Variants in NEDD9 observed in about 807,000 individuals in gnomAD.
NEDD9 encodes neural precursor cell expressed, developmentally down-regulated 9.
A neutral mutation model predicts 76.6 loss-of-function variants in NEDD9; 26 were observed. The observed-to-expected ratio is 0.34, with a 90% CI of 0.25 to 0.47. The LOEUF (loss-of-function observed/expected upper bound fraction) is 0.47. Ranked by LOEUF, NEDD9 falls within the 20% of genes least tolerant of loss-of-function variation. NEDD9 has a pLI of 1.00. For missense variants in NEDD9, 937 were observed against 1,058.5 expected, an observed-to-expected ratio of 0.89 and a Z score of 1.59; for synonymous variants, 392 against 414.2, an observed-to-expected ratio of 0.95 and a Z score of 0.65.
At chr6:11,210,618 T>C (rs1758757214) in intron 2 of NEDD9, among the ~76,000 whole-genome samples, 2 of 152,140 alleles carry the variant, frequency 1.3e-5, no homozygotes, top group South Asian at 4.2e-4. Flanking sequence ...GAATATCCTA[T>C]ACCCAGGAAG....
At chr6:11,189,820 ACT>A in intron 5 of NEDD9, 142 bp downstream of exon 5, 1 of 1,057,482 alleles carries the variant, frequency 9.5e-7, no homozygotes, top group Non-Finnish European at 1.3e-6. Flanking sequence ...ACTCTACGAC[ACT>A]CCCTCCAATT....
intron 1 of NEDD9, among the ~76,000 whole-genome samples, chr6:11,362,843 C>T (rs1762701731): frequency 6.6e-6 from 1 of 152,118 alleles, no homozygotes; most frequent in South Asian, 2.1e-4. Context: ...TCTATGGGGA[C>T]AGAAATGACT....
intron 3 of NEDD9, among the ~76,000 whole-genome samples, chr6:11,253,046 A>C (rs1408754351): frequency 6.6e-6 from 1 of 152,208 alleles, no homozygotes; most frequent in Admixed American, 6.5e-5. Context: ...AATATGTCTT[A>C]ATGATCTAGG....
At chr6:11,223,180 A>T (rs190950970) in intron 1 of NEDD9, among the ~76,000 whole-genome samples, 1 of 152,366 alleles carries the variant, frequency 6.6e-6, no homozygotes, top group African/African-American at 2.4e-5. Flanking sequence ...CCCTGGATAG[A>T]GGAATGGACA....
At chr6:11,318,597 C>A (rs1198431184) in intron 2 of NEDD9, among the ~76,000 whole-genome samples, 2 of 152,142 alleles carry the variant, frequency 1.3e-5, no homozygotes, top group African/African-American at 2.4e-5. Context: ...GGGGCTGTTG[C>A]TAGCATAAGG....
intron 3 of NEDD9, among the ~76,000 whole-genome samples, chr6:11,244,549 A>G (rs1759772253): frequency 1.3e-5 from 2 of 152,176 alleles, no homozygotes; most frequent in African/African-American, 4.8e-5. Flanking sequence ...ATTCATCCAC[A>G]AAGGGAGAGT....
chr6:11,193,292 CA>C (rs1359154674), intron 3 of NEDD9, among the ~76,000 whole-genome samples: 1 of 138,986 alleles, frequency 7.2e-6, no homozygotes, highest in Non-Finnish European at 1.6e-5. Flanking sequence ...GCCTGGGCAA[CA>C]AAGTGAGATT....
At chr6:11,366,103 G>A (rs1284824416) in intron 1 of NEDD9, among the ~76,000 whole-genome samples, 1 of 152,144 alleles carries the variant, frequency 6.6e-6, no homozygotes, top group Non-Finnish European at 1.5e-5. Context: ...GACCAACAAG[G>A]TGAAACCCAG....
intron 3 of NEDD9, among the ~76,000 whole-genome samples, chr6:11,266,006 T>A (rs1760193849): frequency 7.1e-6 from 1 of 140,338 alleles, no homozygotes. Flanking sequence ...ACATAGAGAG[T>A]AGAATGATTG....
chr6:11,241,600 T>C lies in NEDD9; in HGVS notation c.13-27873A>G, dbSNP rs957428784. ...TTCCACACCAGCCATCCAGCATAGC[T>C]CCGGGGGCGGAGGTAGGGACAGTAC... On this transcript the variant is annotated intron_variant, in intron 3 of 3. Transcript: ENST00000397378. This position sits in a 1 kb window ranked among gnomAD's most constrained non-coding sequence, Gnocchi z 4.0. Among the ~76,000 whole-genome samples, 4 of 152,060 alleles carry C rather than the reference T, an allele frequency of 2.6e-5. No individual in the cohort carries two copies. In the South Asian group the frequency reaches 6.2e-4, roughly 24 times the overall value.
rs566849847 is a variant in NEDD9, at chr6:11,327,190, CT to C, written c.-153+7310del. Among the ~76,000 whole-genome samples, 173 of 152,322 alleles carry C rather than the reference CT, an allele frequency of 1.1e-3. 1 individual carries two copies. Among genetic ancestry groups the C allele is most frequent in the African/African-American group, 3.9e-3 (163 of 41,566 alleles). ...GTCACTTAACATCTCTGGGCCTCAACTTTTGAAGAAAGAGACAATCGGACTA... is the reference window on the plus strand; with the variant it reads ...GTCACTTAACATCTCTGGGCCTCAACTTTGAAGAAAGAGACAATCGGACTA... On this transcript the variant is annotated intron_variant, in intron 2 of 3. Transcript: ENST00000397378.
chr6:11,378,179 G>T (rs928114088), intron 1 of NEDD9, among the ~76,000 whole-genome samples: 1 of 152,202 alleles, frequency 6.6e-6, no homozygotes, highest in Non-Finnish European at 1.5e-5. Flanking sequence ...GGAAGTGGAG[G>T]TTGCGGCAAG....
intron 3 of NEDD9, among the ~76,000 whole-genome samples, chr6:11,295,891 C>G (rs2142742): frequency 6.6e-6 from 1 of 152,052 alleles, no homozygotes; most frequent in Non-Finnish European, 1.5e-5. Flanking sequence ...ATTACACCCA[C>G]GTTAGGTGTG....
At chr6:11,267,832 G>T (rs1372452450) in intron 3 of NEDD9, among the ~76,000 whole-genome samples, 1 of 151,972 alleles carries the variant, frequency 6.6e-6, no homozygotes, top group Non-Finnish European at 1.5e-5. Context: ...TATATCTAAG[G>T]CTTATAATAG....
At chr6:11,201,029 C>T in intron 2 of NEDD9, 2 of 1,614,222 alleles carry the variant, frequency 1.2e-6, no homozygotes, top group Non-Finnish European at 8.5e-7. Flanking sequence ...AGGACACTTG[C>T]CCATCTCTCT....
In NEDD9 at chr6:11,193,850, C is replaced by T. The variant is rs189527263; in HGVS notation, c.460-158G>A. 1.3e-4 allele frequency among the ~76,000 whole-genome samples: 19 copies of T among 151,820 alleles called. No individual in the cohort carries two copies. In the South Asian group the frequency reaches 2.1e-3, roughly 17 times the overall value. ...ACAGGAAGGAGACAAGTAGACACCA[C>T]GTTAGTAAACTTTTTTTTTTTTTTT... On this transcript the variant is annotated intron_variant, in intron 2 of 6. Transcript: ENST00000379446.
chr6:11,212,259 G>A (rs1298740403), intron 2 of NEDD9, among the ~76,000 whole-genome samples: 4 of 152,190 alleles, frequency 2.6e-5, no homozygotes, highest in African/African-American at 9.7e-5. Context: ...ACCAAACCTT[G>A]TAGGACCCAT....
intron 1 of NEDD9, among the ~76,000 whole-genome samples, chr6:11,348,476 C>G (rs1762404562): frequency 6.6e-6 from 1 of 152,118 alleles, no homozygotes. Flanking sequence ...ATTGCCAAAG[C>G]AATCCTAAGT....
rs569746488 is a variant in NEDD9 at position 11,185,202 on chromosome 6, T to C, written c.2465A>G (p.Gln822Arg). ...HQVTDLSRNA[Q>R]LFKRSLLEMA... is the part of the protein sequence containing the mutation. ...CTCCAGCAAAGAGCGCTTGAACAGC[T>C]GGGCATTTCTAGAAAGGTCTGTCAC... The change falls in exon 7 of 7, where the codon CAG (glutamine) becomes CGG (arginine). Residue 822 changes from glutamine (Q) to arginine (R), a missense_variant. Gln to Arg is a conservative substitution (Grantham distance 43). Transcript: ENST00000379446. 6.2e-7 allele frequency: 1 copy of C among 1,614,002 alleles called. No individual in the cohort carries two copies. The highest frequency in any genetic ancestry group is 2.2e-5 in the East Asian group (1 of 44,866).
Sources: allele counts gnomAD v4.1 joint callset (sites outside exome capture counted in the v4.1 genomes callset), GRCh38; gene constraint gnomAD v4.1.1; non-coding constraint Gnocchi (gnomAD v3.1); transcripts MANE v1.5; gene names NCBI Gene and HGNC (gene_info 2026-07-23, HGNC 2026-07-21).